The following PPP2R2C variants were observed in gnomAD, a reference collection of about 807,000 sequenced individuals.
PPP2R2C encodes protein phosphatase 2 regulatory subunit Bgamma.
Under a neutral mutation model 45.3 loss-of-function variants are expected in PPP2R2C, and 10 were observed. The observed-to-expected ratio is 0.22, with a 90% CI of 0.14 to 0.37. The LOEUF (loss-of-function observed/expected upper bound fraction) is 0.37, where lower values mean the gene tolerates loss of function less well. Ranked by LOEUF, PPP2R2C falls within the 10% of genes least tolerant of loss-of-function variation. The probability of loss-of-function intolerance (pLI) is 1.00; values close to 1 mark genes in which losing one functional copy is unlikely to be tolerated. For missense variants in PPP2R2C, 308 were observed against 619.7 expected, an observed-to-expected ratio of 0.50 and a Z score of 5.34; for synonymous variants, 257 against 245.4, an observed-to-expected ratio of 1.05 and a Z score of -0.44.
At chr4:6,404,728 G>T (rs965737470) in intron 1 of PPP2R2C, among the ~76,000 whole-genome samples, 2 of 152,218 alleles carry the variant, frequency 1.3e-5, no homozygotes, top group Non-Finnish European at 2.9e-5. Flanking sequence ...GAGGAAGCAG[G>T]GGTCTGCACC....
intron 1 of PPP2R2C, among the ~76,000 whole-genome samples, chr4:6,437,416 A>C (rs16838840): frequency 0.052 from 7,922 of 152,260 alleles, 683 homozygotes; most frequent in African/African-American, 0.18. Flanking sequence ...TAGTTGTCTG[A>C]TTCAACTGTT....
At chr4:6,411,337 A>C (rs1331821814) in intron 1 of PPP2R2C, among the ~76,000 whole-genome samples, 1 of 152,164 alleles carries the variant, frequency 6.6e-6, no homozygotes, top group East Asian at 1.9e-4. Flanking sequence ...TGCCAGCCTC[A>C]CAGGGCTGGA....
intron 2 of PPP2R2C, among the ~76,000 whole-genome samples, chr4:6,529,876 G>A (rs1246252702): frequency 6.6e-6 from 1 of 152,312 alleles, no homozygotes; most frequent in East Asian, 1.9e-4. Flanking sequence ...ATTCCCCCAG[G>A]ATGACAATGG....
At position 6,323,573 on chromosome 4, in the gene PPP2R2C, T is replaced by C; in HGVS notation, c.1073A>G (p.Tyr358Cys). Residue 358 changes from tyrosine (Y) to cysteine (C), a missense_variant, in exon 9 of 9, where the codon TAC (tyrosine) becomes TGC (cysteine). Physicochemically the swap from Tyr to Cys is radical, Grantham distance 194. Transcript: ENST00000382599. ...GSDSVIMTGA[Y>C]NNFFRMFDRN... ...ATCGAACATGCGGAAGAAGTTGTTG[T>C]AGGCCCCGGTCATGATGACGCTGGT... The C allele has an allele frequency of 6.4e-7, 1 of 1,567,812 alleles. No homozygotes were observed. Among genetic ancestry groups the C allele is most frequent in the Non-Finnish European group, 8.7e-7 (1 of 1,148,918 alleles).
intron 5 of PPP2R2C, among the ~76,000 whole-genome samples, chr4:6,354,933 T>C (rs909842469): frequency 2.0e-5 from 3 of 152,140 alleles, no homozygotes; most frequent in African/African-American, 7.2e-5. Flanking sequence ...TGCAGGGCCC[T>C]CACACTCATG....
intron 5 of PPP2R2C, among the ~76,000 whole-genome samples, chr4:6,354,843 T>C (rs900875964): frequency 3.3e-5 from 5 of 152,106 alleles, no homozygotes; most frequent in African/African-American, 9.7e-5. Context: ...CCAGGCCCCA[T>C]TGCCCCTTAG....
intron 1 of PPP2R2C, among the ~76,000 whole-genome samples, chr4:6,423,561 TTACA>T (rs1418873980): frequency 6.6e-6 from 1 of 152,240 alleles, no homozygotes; most frequent in East Asian, 1.9e-4. Context: ...CTTAAAGATC[TTACA>T]TACCACTGGG....
chr4:6,451,625 C>T lies in PPP2R2C; in HGVS notation c.70+20535G>A, dbSNP rs184480463. On this transcript the variant is annotated intron_variant, in intron 1 of 8. Coordinates refer to ENST00000382599, the MANE Select transcript of PPP2R2C (RefSeq NM_020416.4). ...GCAAGCTGATAGGTTTTTATAGCTG[C>T]CTATTTACAAAGACAAAGCATAATG... 3.6e-4 allele frequency among the ~76,000 whole-genome samples: 55 copies of T among 152,094 alleles called. 1 individual carries two copies. The East Asian group carries it at 8.3e-3, about 23-fold the overall frequency.
chr4:6,431,529 G>A (rs747078468), intron 1 of PPP2R2C, among the ~76,000 whole-genome samples: 2 of 152,294 alleles, frequency 1.3e-5, no homozygotes, highest in South Asian at 2.1e-4. Context: ...CCCCAGCCAC[G>A]TCTGTGTCCC....
chr4:6,323,393 G>A lies in PPP2R2C; in HGVS notation c.1253C>T (p.Thr418Met), dbSNP rs371740090. Residue 418 changes from threonine to methionine, a missense_variant, in exon 9 of 9, where the codon ACG (threonine) becomes ATG (methionine). Coordinates refer to ENST00000382599, the MANE Select transcript of PPP2R2C (RefSeq NM_020416.4). ...SLDFTKKILH[T>M]AWHPAENIIA... ...GATGTTCTCAGCCGGGTGCCAGGCCGTGTGCAGGATCTTCTTGGTGAAGTC... is the reference window on the plus strand; with the variant it reads ...GATGTTCTCAGCCGGGTGCCAGGCCATGTGCAGGATCTTCTTGGTGAAGTC... 40 of 1,613,828 alleles carry A rather than the reference G, an allele frequency of 2.5e-5. No individual in the cohort carries two copies. The highest frequency in any genetic ancestry group is 1.6e-4 in the Middle Eastern group (1 of 6,084).
At chr4:6,514,371 A>G (rs1461288593) in intron 2 of PPP2R2C, among the ~76,000 whole-genome samples, 1 of 152,102 alleles carries the variant, frequency 6.6e-6, no homozygotes, top group African/African-American at 2.4e-5. Context: ...TCCCCCTTTA[A>G]CCCTCACAGG....
At chr4:6,333,413 G>A in intron 7 of PPP2R2C, 149 bp downstream of exon 7, 1 of 888,956 alleles carries the variant, frequency 1.1e-6, no homozygotes, top group Non-Finnish European at 1.7e-6. Flanking sequence ...TACGTGTGGG[G>A]ATGAGTTGCT....
At chr4:6,524,913 A>T (rs1724147381) in intron 2 of PPP2R2C, among the ~76,000 whole-genome samples, 1 of 151,748 alleles carries the variant, frequency 6.6e-6, no homozygotes, top group Non-Finnish European at 1.5e-5. Flanking sequence ...ACATAGCAAG[A>T]CCCCATCTCT....
chr4:6,327,806 T>C (rs1030083255), intron 8 of PPP2R2C, among the ~76,000 whole-genome samples: 10 of 152,164 alleles, frequency 6.6e-5, no homozygotes, highest in African/African-American at 9.7e-5. Flanking sequence ...TGCCAGCCCC[T>C]TGCCTGAGCT....
intron 1 of PPP2R2C, among the ~76,000 whole-genome samples, chr4:6,418,621 C>T (rs1287070827): frequency 6.6e-6 from 1 of 152,198 alleles, no homozygotes; most frequent in Non-Finnish European, 1.5e-5. Flanking sequence ...CTGAGCTGCT[C>T]TTCCCAAGCC....
At chr4:6,549,537 C>T (rs779856081) in intron 1 of PPP2R2C, among the ~76,000 whole-genome samples, 16 of 152,288 alleles carry the variant, frequency 1.1e-4, no homozygotes, top group Non-Finnish European at 2.1e-4. Flanking sequence ...CCTTCCTGGG[C>T]ACGACCCTCC....
At position 6,364,129 on chromosome 4, in the gene PPP2R2C, T is replaced by C. The variant is rs1190796702; in HGVS notation, c.625+8394A>G. On this transcript the variant is annotated intron_variant, in intron 5 of 8. Transcript: ENST00000382599. This position sits in a 1 kb window ranked among gnomAD's most constrained non-coding sequence, Gnocchi z 5.3. The stretch of plus-strand genomic sequence containing the variant: ...GGGAACGAGGTAGAGGCCAAGCCTC[T>C]AGGGAAGGGGCTCGAGGGAGTCATG... Among the ~76,000 whole-genome samples, 1 of 152,096 alleles carries C rather than the reference T, an allele frequency of 6.6e-6. No individual in the cohort carries two copies. The highest frequency in any genetic ancestry group is 1.5e-5 in the Non-Finnish European group (1 of 68,012).
At position 6,324,628 on chromosome 4, in the gene PPP2R2C, T is replaced by C. The variant is rs562090011; in HGVS notation, c.1053-1035A>G. On this transcript the variant is annotated intron_variant, in intron 8 of 8. Transcript: ENST00000382599. This position sits in a 1 kb window ranked among gnomAD's most constrained non-coding sequence, Gnocchi z 4.1. ...GAGGACTCGGGCGAATAAACAAACA[T>C]GCATCGCCATGAGGGTCGGGGCGAG... is the stretch of plus-strand genomic sequence containing the variant. Among the ~76,000 whole-genome samples, 1 of 152,212 alleles carries C rather than the reference T, an allele frequency of 6.6e-6. No individual in the cohort carries two copies. Among genetic ancestry groups the C allele is most frequent in the South Asian group, 2.1e-4 (1 of 4,828 alleles).
rs1044142346 is a variant in PPP2R2C at position 6,328,964 on chromosome 4, G to A, written c.1052+298C>T. Among the ~76,000 whole-genome samples, 3 of 152,194 alleles carry A rather than the reference G, an allele frequency of 2.0e-5. No individual in the cohort carries two copies. Among genetic ancestry groups the A allele is most frequent in the African/African-American group, 7.2e-5 (3 of 41,448 alleles). On this transcript the variant is annotated intron_variant, in intron 8 of 8. Transcript: ENST00000382599. The surrounding 1 kb of genome is among the most constrained non-coding windows in gnomAD (Gnocchi z 4.4). Reference sequence around the variant, plus strand: ...TCGCCCCCGACAAGCTGGGAGAGGGGAGCACATCACCGGGGACCCTGAATT... The same window carrying A: ...TCGCCCCCGACAAGCTGGGAGAGGGAAGCACATCACCGGGGACCCTGAATT...
Sources: allele counts gnomAD v4.1 joint callset (sites outside exome capture counted in the v4.1 genomes callset), GRCh38; gene constraint gnomAD v4.1.1; non-coding constraint Gnocchi (gnomAD v3.1); transcripts MANE v1.5; gene names NCBI Gene and HGNC (gene_info 2026-07-23, HGNC 2026-07-21).